The following PIK3CA variants were observed in gnomAD, a reference collection of about 807,000 sequenced individuals.
PIK3CA encodes the protein phosphatidylinositol-4,5-bisphosphate 3-kinase catalytic subunit alpha.
In PIK3CA, 27 loss-of-function variants were observed where a neutral mutation model predicts 138.2. The ratio of observed to expected loss-of-function variants is 0.20; its 90% CI spans 0.14 to 0.27. The LOEUF (loss-of-function observed/expected upper bound fraction) is 0.27, where lower values mean the gene tolerates loss of function less well. PIK3CA is among the 10% of genes least tolerant of loss of function. The probability of loss-of-function intolerance (pLI) is 1.00; values close to 1 mark genes in which losing one functional copy is unlikely to be tolerated. For missense variants in PIK3CA, 544 were observed against 1,277.4 expected, an observed-to-expected ratio of 0.43 and a Z score of 8.75; for synonymous variants, 358 against 413.2, an observed-to-expected ratio of 0.87 and a Z score of 1.62.
chr3:179,213,146 A>G (rs1049079548), intron 9 of PIK3CA, among the ~76,000 whole-genome samples: 2 of 152,216 alleles, frequency 1.3e-5, no homozygotes, highest in Non-Finnish European at 2.9e-5. Flanking sequence ...GGTTCAGGAA[A>G]GACCTCTCTG....
At chr3:179,198,060 C>T (rs200736183) in intron 1 of PIK3CA, among the ~76,000 whole-genome samples, 3 of 152,126 alleles carry the variant, frequency 2.0e-5, no homozygotes, top group Non-Finnish European at 2.9e-5. Flanking sequence ...ACAAATTCAT[C>T]GTCATACTTC....
In PIK3CA at chr3:179,221,006, CAGTT is replaced by C. The variant is rs1315362059; in HGVS notation, c.2039_2042del (p.Val680AlafsTer19). The C allele has an allele frequency of 6.2e-7, 1 of 1,612,132 alleles. No individual in the cohort carries two copies. The highest frequency in any genetic ancestry group is 1.3e-5 in the African/African-American group (1 of 74,828). On this transcript the variant is annotated frameshift_variant, in exon 14 of 21. Coordinates refer to ENST00000263967, the MANE Select transcript of PIK3CA (RefSeq NM_006218.4). LOFTEE classifies it high-confidence loss of function. ...TTTAGATCTGAGATGCACAATAAAACAGTTAGCCAGAGGTTTGGCCTGCTTTTGG... is the reference window on the plus strand; with the variant it reads ...TTTAGATCTGAGATGCACAATAAAACAGCCAGAGGTTTGGCCTGCTTTTGG...
chr3:179,197,168 A>G (rs892710051), intron 1 of PIK3CA, among the ~76,000 whole-genome samples: 4 of 152,054 alleles, frequency 2.6e-5, no homozygotes, highest in African/African-American at 7.2e-5. Flanking sequence ...CCTCCTGAGT[A>G]GGTGGGATTA....
intron 1 of PIK3CA, among the ~76,000 whole-genome samples, chr3:179,194,519 C>T (rs1444714750): frequency 6.6e-6 from 1 of 152,114 alleles, no homozygotes; most frequent in Non-Finnish European, 1.5e-5. Flanking sequence ...ACCCCCAGCC[C>T]AGAGTCTCCT....
intron 1 of PIK3CA, among the ~76,000 whole-genome samples, chr3:179,184,385 C>T (rs1057338572): frequency 1.3e-5 from 2 of 152,162 alleles, no homozygotes; most frequent in African/African-American, 2.4e-5. Context: ...AGTCAACAGA[C>T]ACCATAGCTA....
intron 1 of PIK3CA, among the ~76,000 whole-genome samples, chr3:179,184,156 C>A (rs1019779495): frequency 6.6e-6 from 1 of 152,200 alleles, no homozygotes. Context: ...GATTCACTTA[C>A]CAGCAGGCTG....
chr3:179,224,500 A>G (rs1221531906), intron 15 of PIK3CA, among the ~76,000 whole-genome samples, 200 bp from the exon 16 acceptor site: 1 of 152,130 alleles, frequency 6.6e-6, no homozygotes, highest in East Asian at 1.9e-4. Context: ...TTGGAAATTC[A>G]TATGCAATTA....
Position 179,235,121 on chromosome 3 carries a change from G to C in PIK3CA, c.*757G>C. On this transcript the variant is annotated 3_prime_UTR_variant, in exon 21 of 21. Transcript: ENST00000263967. ...CAGGGAAATTCTGGGCTCCCACAAAGTAAAAAAAAAAAAAAATCATAGAAA... is the reference window on the plus strand; with the variant it reads ...CAGGGAAATTCTGGGCTCCCACAAACTAAAAAAAAAAAAAAATCATAGAAA... 2 of 166,852 alleles carry C rather than the reference G, an allele frequency of 1.2e-5. No homozygotes were observed. The highest frequency in any genetic ancestry group is 1.2e-5 in the Non-Finnish European group (1 of 81,330). 10.3% of individuals were successfully genotyped at this position (166,852 alleles called of 1,614,324 possible).
chr3:179,224,449 T>C (rs576489401), intron 15 of PIK3CA, among the ~76,000 whole-genome samples: 1 of 150,806 alleles, frequency 6.6e-6, no homozygotes, highest in South Asian at 2.1e-4. Flanking sequence ...GAAATGGAAA[T>C]GTAATATCTG....
chr3:179,198,331 C>T (rs1724319141), intron 1 of PIK3CA, among the ~76,000 whole-genome samples: 2 of 152,250 alleles, frequency 1.3e-5, no homozygotes, highest in Non-Finnish European at 2.9e-5. Flanking sequence ...GAGCAGTGGA[C>T]CCATGATCTG....
rs1160794691 is a variant in PIK3CA at position 179,236,672 on chromosome 3, A to T, written c.*2308A>T. On this transcript the variant is annotated 3_prime_UTR_variant, in exon 21 of 21. Transcript: ENST00000263967. ...TCTCCCAGGACCTCTCCACCATTAA[A>T]ATGCACAAACCACATGGCCGATTTC... 4.4e-6 allele frequency: 1 copy of T among 227,040 alleles called. No individual in the cohort carries two copies. The highest frequency in any genetic ancestry group is 8.9e-6 in the Non-Finnish European group (1 of 112,920). The allele number at this position is 227,040 out of a possible 1,614,324, so 14.1% of individuals were successfully genotyped here.
intron 2 of PIK3CA, 55 bp downstream of exon 2, chr3:179,199,232 T>G: frequency 8.6e-7 from 1 of 1,156,338 alleles, no homozygotes; most frequent in South Asian, 1.6e-5. Flanking sequence ...TTAACTGTTG[T>G]CCCTTTCTAA....
chr3:179,201,191 C>T, intron 3 of PIK3CA, 99 bp from the exon 4 acceptor site: 1 of 1,002,180 alleles, frequency 1.0e-6, no homozygotes, highest in Non-Finnish European at 1.5e-6. Context: ...AAAAGCATTT[C>T]TGATATGGAT....
intron 9 of PIK3CA, among the ~76,000 whole-genome samples, chr3:179,214,044 G>A (rs1050329316): frequency 1.3e-5 from 2 of 152,170 alleles, no homozygotes; most frequent in African/African-American, 4.8e-5. Flanking sequence ...TCTGGATTAG[G>A]CTTTGACTTA....
Position 179,230,809 on chromosome 3 carries a change from TTTTG to T in PIK3CA, c.2936+441_2936+444del, listed in dbSNP as rs989197680. Among the ~76,000 whole-genome samples the T allele has an allele frequency of 2.0e-5, 3 of 152,112 alleles. No homozygotes were observed. Among genetic ancestry groups the T allele is most frequent in the East Asian group, 1.9e-4 (1 of 5,186 alleles). The stretch of plus-strand genomic sequence containing the variant: ...TTTTACCACTTCAGCAAAAACTATT[TTTTG>T]TTTGTTTTTTATTCTATCTTATTTC... On this transcript the variant is annotated intron_variant, in intron 20 of 20. Coordinates refer to ENST00000263967, the MANE Select transcript of PIK3CA (RefSeq NM_006218.4). The surrounding 1 kb of genome is among the most constrained non-coding windows in gnomAD (Gnocchi z 5.4).
intron 1 of PIK3CA, among the ~76,000 whole-genome samples, chr3:179,183,755 G>A (rs1237362461): frequency 6.6e-6 from 1 of 152,170 alleles, no homozygotes; most frequent in Non-Finnish European, 1.5e-5. Flanking sequence ...TAATAGCAAG[G>A]ATAGATAAAT....
intron 1 of PIK3CA, among the ~76,000 whole-genome samples, chr3:179,186,484 A>G (rs528605309): frequency 1.3e-5 from 2 of 152,322 alleles, no homozygotes; most frequent in African/African-American, 4.8e-5. Flanking sequence ...ATTGACTTTA[A>G]GTTGAAAAGT....
At chr3:179,195,503 G>A (rs1455638732) in intron 1 of PIK3CA, among the ~76,000 whole-genome samples, 2 of 151,858 alleles carry the variant, frequency 1.3e-5, no homozygotes, top group Admixed American at 1.3e-4. Context: ...TTCACAAATG[G>A]GAAAAATGAG....
rs1723185716 is a variant in PIK3CA, at chr3:179,158,169, GT to G, written c.-77+9570del. 3.3e-5 allele frequency among the ~76,000 whole-genome samples: 5 copies of G among 152,188 alleles called. No individual in the cohort carries two copies. The South Asian group carries it at 8.3e-4, about 25-fold the overall frequency. Reference sequence around the variant, plus strand: ...GTTGCCTTCAAACAAGTTTAGAGTAGTTTTCAGTTCTTTACAATACTGCTTG... The same window carrying G: ...GTTGCCTTCAAACAAGTTTAGAGTAGTTTCAGTTCTTTACAATACTGCTTG... On this transcript the variant is annotated intron_variant, in intron 1 of 20. Coordinates refer to ENST00000263967, the MANE Select transcript of PIK3CA (RefSeq NM_006218.4).
Sources: gnomAD v4.1 joint callset for allele counts (sites outside exome capture counted in the v4.1 genomes callset) on GRCh38, gnomAD v4.1.1 for gene constraint, Gnocchi (gnomAD v3.1) non-coding constraint, MANE v1.5 for transcripts, NCBI Gene and HGNC (gene_info 2026-07-23, HGNC 2026-07-21) for gene names.